Variants in KCTD19 observed in about 807,000 individuals in gnomAD.
KCTD19 encodes potassium channel tetramerization domain containing 19.
Under a neutral mutation model 103.5 loss-of-function variants are expected in KCTD19, and 67 were observed. The ratio of observed to expected loss-of-function variants is 0.65; its 90% CI spans 0.53 to 0.79. The LOEUF (loss-of-function observed/expected upper bound fraction) is 0.79. KCTD19 is among the 30% of genes least tolerant of loss of function. The pLI is 0.00. For missense variants in KCTD19, 980 were observed against 1,136.1 expected, an observed-to-expected ratio of 0.86 and a Z score of 1.98; for synonymous variants, 439 against 452.2, an observed-to-expected ratio of 0.97 and a Z score of 0.37.
chr16:67,303,651 G>T lies in KCTD19; in HGVS notation c.452-314C>A, dbSNP rs910748160. Among the ~76,000 whole-genome samples, 1 of 152,050 alleles carries T rather than the reference G, an allele frequency of 6.6e-6. No homozygotes were observed. The highest frequency in any genetic ancestry group is 1.5e-5 in the Non-Finnish European group (1 of 68,006). ...CAACCTCTGTCTCTCAGATTCAACT[G>T]GTTCTCCTGCCTCAGCCTCCCAAGT... On this transcript the variant is annotated intron_variant, in intron 3 of 15. Coordinates refer to ENST00000304372, the MANE Select transcript of KCTD19 (RefSeq NM_001100915.3). This position sits in a 1 kb window ranked among gnomAD's most constrained non-coding sequence, Gnocchi z 4.3.
At chr16:67,314,847 A>AGT (rs1224295130) in intron 2 of KCTD19, among the ~76,000 whole-genome samples, 1 of 136,714 alleles carries the variant, frequency 7.3e-6, no homozygotes, top group Admixed American at 7.0e-5. Context: ...AGAGAGAGAG[A>AGT]GAGAGAGAGA....
At chr16:67,326,486 C>G (rs1036230978) in intron 1 of KCTD19, 1 of 544,254 alleles carries the variant, frequency 1.8e-6, no homozygotes, top group African/African-American at 2.0e-5. Context: ...GAACCGGAGT[C>G]CCCCACATCC....
chr16:67,295,421 C>T lies in KCTD19; in HGVS notation c.1249-16G>A. 1 of 1,603,618 alleles carries T rather than the reference C, an allele frequency of 6.2e-7. No individual in the cohort carries two copies. Among genetic ancestry groups the T allele is most frequent in the Non-Finnish European group, 8.5e-7 (1 of 1,172,704 alleles). ...GTTCTGGATACTGGAGGGGGTTGGA[C>T]ACCGGACTCAGTCTCAGAGGCTAGG... On this transcript the variant is annotated splice_polypyrimidine_tract_variant and intron_variant, in intron 8 of 15. Transcript: ENST00000304372.
rs570733590 is a variant in KCTD19 at position 67,293,703 on chromosome 16, T to C, written c.2059A>G (p.Lys687Glu). 6.2e-7 allele frequency: 1 copy of C among 1,614,054 alleles called. No homozygotes were observed. The highest frequency in any genetic ancestry group is 1.1e-5 in the South Asian group (1 of 91,084). The stretch of plus-strand genomic sequence containing the variant: ...TTCTCTGAGGCTGTGGAATGGGCTT[T>C]CCAGGCAGCTGAGGTGCTGGGCTGG... ...ASQPSTSAAW[K>E]AHSTASEKDP... Residue 687 changes from lysine to glutamate, a missense_variant, in exon 12 of 16, where the codon AAA becomes GAA. Coordinates refer to ENST00000304372, the MANE Select transcript of KCTD19 (RefSeq NM_001100915.3). This position sits in a 1 kb window ranked among gnomAD's most constrained non-coding sequence, Gnocchi z 4.0.
In KCTD19 at chr16:67,320,790, CTG is replaced by C. The variant is rs375888170; in HGVS notation, c.97_98del (p.Gln33ValfsTer31). ...HFSVPRSKLS[Q>X]FPDSLLWKEA... Reference sequence around the variant, plus strand: ...CTTTCCACAGCAGGGAGTCTGGAAACTGAGAGAGTTTGCTTCTGGGAACTGAG... The same window carrying C: ...CTTTCCACAGCAGGGAGTCTGGAAACAGAGAGTTTGCTTCTGGGAACTGAG... On this transcript the variant is annotated frameshift_variant, in exon 2 of 16. Coordinates refer to ENST00000304372, the MANE Select transcript of KCTD19 (RefSeq NM_001100915.3). LOFTEE classifies it high-confidence loss of function. The surrounding 1 kb of genome is among the most constrained non-coding windows in gnomAD (Gnocchi z 4.0). 4 of 1,614,174 alleles carry C rather than the reference CTG, an allele frequency of 2.5e-6. No homozygotes were observed. The highest frequency in any genetic ancestry group is 1.3e-5 in the African/African-American group (1 of 75,054).
intron 6 of KCTD19, among the ~76,000 whole-genome samples, chr16:67,298,755 G>A (rs752678841): frequency 3.3e-5 from 5 of 152,204 alleles, no homozygotes; most frequent in Admixed American, 6.5e-5. Context: ...CCATTTTGGT[G>A]CCAGTCTGTT....
intron 1 of KCTD19, among the ~76,000 whole-genome samples, chr16:67,324,969 G>T (rs1335640279): frequency 6.6e-6 from 1 of 152,144 alleles, no homozygotes; most frequent in South Asian, 2.1e-4. Flanking sequence ...TCAGGCAAAG[G>T]CTGAATGTAA....
At position 67,303,161 on chromosome 16, in the gene KCTD19, C is replaced by T. The variant is rs2036855110; in HGVS notation, c.628G>A (p.Glu210Lys). 2 of 1,399,594 alleles carry T rather than the reference C, an allele frequency of 1.4e-6. No homozygotes were observed. Among genetic ancestry groups the T allele is most frequent in the Non-Finnish European group, 1.9e-6 (2 of 1,044,468 alleles). 86.7% of individuals were successfully genotyped at this position (1,399,594 alleles called of 1,614,324 possible). ...TVALIECECS[E>K]FRFIVNFLRS... ...GAGCAATCACCAATGAAGCGGAACT[C>T]GCTGCACTCGCACTCGATGAGGGCC... Residue 210 changes from glutamate (E) to lysine (K), a missense_variant, in exon 4 of 16, where the codon GAG becomes AAG. Physicochemically the swap from Glu to Lys is moderately conservative, Grantham distance 56. Transcript: ENST00000304372. This position sits in a 1 kb window ranked among gnomAD's most constrained non-coding sequence, Gnocchi z 4.3.
At chr16:67,294,873 A>G (rs2036746596) in intron 10 of KCTD19, 100 bp downstream of exon 10, 4 of 1,089,368 alleles carry the variant, frequency 3.7e-6, no homozygotes, top group Admixed American at 1.8e-5. Flanking sequence ...CTCAACCCCA[A>G]GGAGATCAGG....
intron 3 of KCTD19, among the ~76,000 whole-genome samples, chr16:67,304,047 T>C (rs1181138793): frequency 6.6e-6 from 1 of 152,226 alleles, no homozygotes; most frequent in Non-Finnish European, 1.5e-5. Context: ...TTTGTACTCA[T>C]GTCTCAGATA....
chr16:67,292,395 A>G (rs1392039273), intron 12 of KCTD19, among the ~76,000 whole-genome samples: 1 of 152,158 alleles, frequency 6.6e-6, no homozygotes, highest in Non-Finnish European at 1.5e-5. Flanking sequence ...TGCAAGCCAA[A>G]TCCTGAACAT....
intron 2 of KCTD19, among the ~76,000 whole-genome samples, chr16:67,308,248 C>T (rs1477453220): frequency 6.6e-6 from 1 of 150,816 alleles, no homozygotes; most frequent in East Asian, 1.9e-4. Flanking sequence ...TCATTGCAGC[C>T]TTGACCTCTT....
chr16:67,295,170 T>C, intron 9 of KCTD19, 93 bp downstream of exon 9: 1 of 1,570,456 alleles, frequency 6.4e-7, no homozygotes, highest in Non-Finnish European at 8.7e-7. Flanking sequence ...TAAAATAACC[T>C]CCTCCCTGAA....
rs528509208 is a variant in KCTD19, at chr16:67,289,605, A to T, written c.2745T>A (p.Ser915=). 1.1e-5 allele frequency: 18 copies of T among 1,614,036 alleles called. No homozygotes were observed. The South Asian group carries it at 2.0e-4, about 18-fold the overall frequency. Residue 915 remains serine, a synonymous_variant, in exon 16 of 16, where the codon TCT becomes TCA. Transcript: ENST00000304372. ...GTAGGTACTTTCCCAGGATGGAGTA[A>T]GAGACAGACCTAGACAGGCCCCTCT... ...LIQRGLSRSV[S]YSILGKYLQE...
Position 67,290,897 on chromosome 16 carries a change from G to A in KCTD19, c.2655C>T (p.Tyr885=), listed in dbSNP as rs2036681346. The change falls in exon 15 of 16, where the codon TAC becomes TAT. Residue 885 remains tyrosine, a synonymous_variant. Coordinates refer to ENST00000304372, the MANE Select transcript of KCTD19 (RefSeq NM_001100915.3). The part of the protein sequence containing the change: ...KDDRHTQERL[Y]SWVELTLPFA... The stretch of plus-strand genomic sequence containing the variant: ...AAGTGGCCCTCACCTCCACCCAGCT[G>A]TACAGGCGCTCCTGGGTGTGCCGGT... 1.2e-6 allele frequency: 2 copies of A among 1,613,278 alleles called. No individual in the cohort carries two copies. The highest frequency in any genetic ancestry group is 1.7e-6 in the Non-Finnish European group (2 of 1,179,782).
At chr16:67,304,667 CT>C (rs202043636) in intron 2 of KCTD19, 96 bp from the exon 3 acceptor site, 120,909 of 807,766 alleles carry the variant, frequency 0.15, no homozygotes, top group South Asian at 0.21. Flanking sequence ...ATGTGACTTA[CT>C]TTTTTTTTTT....
chr16:67,289,455 T>C lies in KCTD19; in HGVS notation c.*114A>G, dbSNP rs2036640205. ...TGTGTGATTTAATCTTTTATTTGTT[T>C]ATAATAAAAAATAGACTGATATGTA... On this transcript the variant is annotated 3_prime_UTR_variant, in exon 16 of 16. Transcript: ENST00000304372. 3.5e-6 allele frequency: 2 copies of C among 578,864 alleles called. No individual in the cohort carries two copies. Among genetic ancestry groups the C allele is most frequent in the East Asian group, 2.9e-5 (1 of 34,224 alleles). 35.9% of individuals were successfully genotyped at this position (578,864 alleles called of 1,614,324 possible). A position where few individuals can be genotyped will look rare whatever the true frequency, so the allele number is the denominator to read the frequency against.
intron 2 of KCTD19, among the ~76,000 whole-genome samples, chr16:67,313,082 A>G (rs1171509430): frequency 6.6e-6 from 1 of 151,978 alleles, no homozygotes; most frequent in East Asian, 1.9e-4. Flanking sequence ...GTGTTCCAGT[A>G]AAACTTTATC....
chr16:67,295,171 C>G, intron 9 of KCTD19, 92 bp downstream of exon 9: 4 of 1,573,880 alleles, frequency 2.5e-6, no homozygotes, highest in Non-Finnish European at 3.5e-6. Context: ...AAAATAACCT[C>G]CTCCCTGAAG....
Sources: gnomAD v4.1 joint callset for allele counts (sites outside exome capture counted in the v4.1 genomes callset) on GRCh38, gnomAD v4.1.1 for gene constraint, Gnocchi (gnomAD v3.1) non-coding constraint, MANE v1.5 for transcripts, NCBI Gene and HGNC (gene_info 2026-07-23, HGNC 2026-07-21) for gene names.